Variants in ASIC5 observed in about 807,000 individuals in gnomAD.
ASIC5 encodes acid sensing ion channel subunit family member 5, also known as bile acid-sensitive ion channel.
In ASIC5, 52 loss-of-function variants were observed where a neutral mutation model predicts 51.2. The observed-to-expected ratio is 1.02, with a 90% CI of 0.81 to 1.28. The LOEUF is 1.28. Ranked by LOEUF, ASIC5 falls within the 50% of genes most tolerant of loss-of-function variation. The pLI is 0.00. For missense variants in ASIC5, 635 were observed against 595.0 expected (o/e 1.07, Z -0.70); for synonymous variants, 231 against 200.7 (o/e 1.15, Z -1.28).
chr4:155,849,677 T>C (rs1381588641), intron 4 of ASIC5, among the ~76,000 whole-genome samples: 1 of 152,120 alleles, frequency 6.6e-6, no homozygotes, highest in East Asian at 1.9e-4. Flanking sequence ...TATTTTTTCT[T>C]GGCTACAAGC....
At chr4:155,846,393 G>C (rs747476167) in intron 4 of ASIC5, among the ~76,000 whole-genome samples, 106 of 152,016 alleles carry the variant, frequency 7.0e-4, no homozygotes, top group Non-Finnish European at 3.8e-4. Context: ...CATTGATATT[G>C]GTTTAATGAA....
At chr4:155,834,125 G>C (rs892212751) in intron 8 of ASIC5, among the ~76,000 whole-genome samples, 1 of 152,016 alleles carries the variant, frequency 6.6e-6, no homozygotes, top group Admixed American at 6.6e-5. Flanking sequence ...TAATGAAGTT[G>C]GCCTAACGTC....
intron 4 of ASIC5, among the ~76,000 whole-genome samples, chr4:155,851,014 T>C (rs777396598): frequency 7.2e-5 from 11 of 152,066 alleles, no homozygotes; most frequent in Admixed American, 2.0e-4. Context: ...ATTCTATTTG[T>C]AATTCAAAAC....
chr4:155,839,246 TAAAG>T (rs1439880275), intron 6 of ASIC5, among the ~76,000 whole-genome samples: 1 of 152,040 alleles, frequency 6.6e-6, no homozygotes, highest in Non-Finnish European at 1.5e-5. Flanking sequence ...ATTTTACAGA[TAAAG>T]AAACTAAGCC....
At chr4:155,855,237 C>A (rs1690411393) in intron 2 of ASIC5, 1 of 151,938 alleles carries the variant, frequency 6.6e-6, no homozygotes, top group South Asian at 2.1e-4. Flanking sequence ...CTTGTAAAAT[C>A]TGTATAACCT....
At chr4:155,863,853 G>GACTCTTTTT in intron 1 of ASIC5, 99 bp from the exon 2 acceptor site, 1 of 949,322 alleles carries the variant, frequency 1.1e-6, no homozygotes, top group Non-Finnish European at 1.5e-6. Context: ...TTAAAGAGGT[G>GACTCTTTTT]ACTCTTTTTA....
chr4:155,865,716 C>T (rs889969487), intron 1 of ASIC5, among the ~76,000 whole-genome samples: 14 of 151,922 alleles, frequency 9.2e-5, no homozygotes, highest in Non-Finnish European at 1.5e-5. Flanking sequence ...AAATGTATGA[C>T]TGTCAGGAAG....
intron 6 of ASIC5, 42 bp from the exon 7 acceptor site, chr4:155,838,911 G>A (rs760517868): frequency 3.6e-6 from 4 of 1,117,086 alleles, no homozygotes; most frequent in Admixed American, 4.3e-5. Flanking sequence ...TTTACATTTT[G>A]TAAAATAAGT....
intron 8 of ASIC5, among the ~76,000 whole-genome samples, chr4:155,834,363 G>A (rs1740932842): frequency 6.6e-6 from 1 of 152,124 alleles, no homozygotes; most frequent in Admixed American, 6.5e-5. Flanking sequence ...TTGCCGTCCT[G>A]ACAAACTGCA....
chr4:155,853,468 A>G (rs960877682), intron 3 of ASIC5, among the ~76,000 whole-genome samples: 1 of 151,386 alleles, frequency 6.6e-6, no homozygotes, highest in Non-Finnish European at 1.5e-5. Context: ...CTTTATCTTA[A>G]ATGTAGATTA....
chr4:155,856,748 A>T (rs1741551837), intron 2 of ASIC5, among the ~76,000 whole-genome samples: 1 of 152,092 alleles, frequency 6.6e-6, no homozygotes, highest in African/African-American at 2.4e-5. Flanking sequence ...TCAGGTTTCC[A>T]ACTCCCAGTG....
intron 1 of ASIC5, 109 bp from the exon 2 acceptor site, chr4:155,863,863 A>G (rs1741789261): frequency 1.2e-6 from 1 of 868,044 alleles, no homozygotes; most frequent in African/African-American, 1.7e-5. Flanking sequence ...GACTCTTTTT[A>G]CTTGTAATTC....
At chr4:155,850,524 C>A (rs534205641) in intron 4 of ASIC5, among the ~76,000 whole-genome samples, 36 of 152,106 alleles carry the variant, frequency 2.4e-4, no homozygotes, top group African/African-American at 7.9e-4. Context: ...AGACTTGTCT[C>A]ACCGTTTTTC....
rs1447538933 is a variant in ASIC5 at position 155,866,277 on chromosome 4, T to C, written c.-51A>G. 3 of 1,337,806 alleles carry C rather than the reference T, an allele frequency of 2.2e-6. No homozygotes were observed. Among genetic ancestry groups the C allele is most frequent in the Non-Finnish European group, 2.1e-6 (2 of 935,896 alleles). 82.9% of individuals were successfully genotyped at this position (1,337,806 alleles called of 1,614,324 possible). On this transcript the variant is annotated 5_prime_UTR_variant, in exon 1 of 10. Transcript: ENST00000537611. ...CTCAGGGTAACCCAATTTTCATCAATAACAGTATTCATTTTGTGCCCTTTA... is the reference window on the plus strand; with the variant it reads ...CTCAGGGTAACCCAATTTTCATCAACAACAGTATTCATTTTGTGCCCTTTA...
At position 155,843,620 on chromosome 4, in the gene ASIC5, A is replaced by G. The variant is rs548024952; in HGVS notation, c.861+61T>C. ...GAGAAAGGAATTTCTAGTGAAAAGC[A>G]TTACTTATGTGTTTGATGCATTCAC... On this transcript the variant is annotated intron_variant, in intron 5 of 9. Coordinates refer to ENST00000537611, the MANE Select transcript of ASIC5 (RefSeq NM_017419.3). The G allele has an allele frequency of 1.1e-4, 168 of 1,549,428 alleles. No homozygotes were observed. The South Asian group carries it at 1.7e-3, about 16-fold the overall frequency.
intron 2 of ASIC5, among the ~76,000 whole-genome samples, chr4:155,858,400 G>A (rs1277428906): frequency 6.6e-6 from 1 of 151,988 alleles, no homozygotes; most frequent in African/African-American, 2.4e-5. Context: ...GCTGTGCTAT[G>A]GAACATCAAT....
intron 6 of ASIC5, 53 bp from the exon 7 acceptor site, chr4:155,838,922 G>T: frequency 9.9e-7 from 1 of 1,005,388 alleles, no homozygotes; most frequent in Non-Finnish European, 1.5e-6. Flanking sequence ...TAAAATAAGT[G>T]ATCTAATGAC....
intron 3 of ASIC5, among the ~76,000 whole-genome samples, chr4:155,852,915 C>T (rs950824664): frequency 6.6e-6 from 1 of 151,856 alleles, no homozygotes; most frequent in Non-Finnish European, 1.5e-5. Flanking sequence ...TAGGGGGAGT[C>T]AGCAGCCATT....
chr4:155,844,563 A>G (rs529152148), intron 4 of ASIC5, among the ~76,000 whole-genome samples: 9 of 152,142 alleles, frequency 5.9e-5, no homozygotes, highest in African/African-American at 2.2e-4. Context: ...AATTTGTGTG[A>G]TCACTGTTAG....
Sources: allele counts gnomAD v4.1 joint callset (sites outside exome capture counted in the v4.1 genomes callset), GRCh38; gene constraint gnomAD v4.1.1; transcripts MANE v1.5; gene names NCBI Gene and HGNC (gene_info 2026-07-23, HGNC 2026-07-21).